The following QRSL1 variants were observed in gnomAD, a reference collection of about 807,000 sequenced individuals.
QRSL1 encodes glutaminyl-tRNA amidotransferase subunit QRSL1.
Under a neutral mutation model 61.6 loss-of-function variants are expected in QRSL1, and 54 were observed. The observed-to-expected ratio is 0.88, with a 90% confidence interval of 0.70 to 1.10. The LOEUF is 1.10. Ranked by LOEUF, QRSL1 falls within the 50% of genes least tolerant of loss-of-function variation. The pLI, the probability that QRSL1 is intolerant of heterozygous loss-of-function variation, is 0.00. For missense variants in QRSL1, 505 were observed against 622.6 expected, an observed-to-expected ratio of 0.81 and a Z score of 2.01; for synonymous variants, 228 against 225.7, an observed-to-expected ratio of 1.01 and a Z score of -0.09.
chr6:106,665,993 A>C lies in QRSL1; in HGVS notation c.1578A>C (p.Leu526=). The change falls in exon 11 of 11, where the codon CTA becomes CTC. Residue 526 remains leucine (L), a synonymous_variant. Transcript: ENST00000369046. The part of the protein sequence containing the change: ...LENEKLASVS[L]KQ ...ATGAAAAGTTAGCCTCTGTCTCTCTAAAACAGTAAACATATCTTACAAATT... is the reference window on the plus strand; with the variant it reads ...ATGAAAAGTTAGCCTCTGTCTCTCTCAAACAGTAAACATATCTTACAAATT... The C allele has an allele frequency of 6.2e-7, 1 of 1,613,336 alleles. No individual in the cohort carries two copies. Among genetic ancestry groups the C allele is most frequent in the Non-Finnish European group, 8.5e-7 (1 of 1,179,292 alleles).
At chr6:106,638,826 T>G (rs976168430) in intron 1 of QRSL1, among the ~76,000 whole-genome samples, 9 of 152,142 alleles carry the variant, frequency 5.9e-5, no homozygotes, top group African/African-American at 2.2e-4. Flanking sequence ...AGAATGCCAT[T>G]GCGTTGATGA....
intron 3 of QRSL1, chr6:106,642,609 C>T: frequency 1.3e-6 from 1 of 761,608 alleles, no homozygotes; most frequent in Non-Finnish European, 2.4e-6. Context: ...AAAGGAATGC[C>T]CCACAAGTGT....
chr6:106,646,449 A>G (rs1011334588), intron 4 of QRSL1, among the ~76,000 whole-genome samples: 5 of 152,168 alleles, frequency 3.3e-5, no homozygotes, highest in Admixed American at 1.3e-4. Flanking sequence ...GGGCTGTGAA[A>G]ATCTTCCAGG....
In QRSL1 at chr6:106,633,337, T is replaced by A. The variant is rs150649869; in HGVS notation, c.24+3632T>A. Reference sequence around the variant, plus strand: ...TACAAATTATCTTTTAATTTAATTCTCTTTTAAATATGTACAGATGCCTGG... The same window carrying A: ...TACAAATTATCTTTTAATTTAATTCACTTTTAAATATGTACAGATGCCTGG... On this transcript the variant is annotated intron_variant, in intron 1 of 10. Transcript: ENST00000369046. Among the ~76,000 whole-genome samples, 514 of 152,372 alleles carry A rather than the reference T, an allele frequency of 3.4e-3. 5 individuals are homozygous for A. Among genetic ancestry groups the A allele is most frequent in the African/African-American group, 0.012 (482 of 41,592 alleles).
chr6:106,633,451 A>C (rs2114696878), intron 1 of QRSL1, among the ~76,000 whole-genome samples: 1 of 152,276 alleles, frequency 6.6e-6, no homozygotes, highest in South Asian at 2.1e-4. Flanking sequence ...TCAGTTGAAG[A>C]GGGGGAAATT....
intron 5 of QRSL1, among the ~76,000 whole-genome samples, chr6:106,651,554 T>G (rs1777187996): frequency 6.6e-6 from 1 of 152,184 alleles, no homozygotes; most frequent in Non-Finnish European, 1.5e-5. Context: ...TACTCACACA[T>G]AAGCAAAAAT....
chr6:106,655,727 A>G lies in QRSL1; in HGVS notation c.1155A>G (p.Leu385=), dbSNP rs1777259461. The G allele has an allele frequency of 6.3e-7, 1 of 1,589,798 alleles. No homozygotes were observed. Among genetic ancestry groups the G allele is most frequent in the Non-Finnish European group, 8.6e-7 (1 of 1,158,536 alleles). ...GRILSGNFFL[L]KENYENYFVK... ...TTCTCTCAGGAAACTTTTTCTTATT[A>G]AAAGAGTAAGACAACTCATTTAGGA... Residue 385 remains leucine, a synonymous_variant, in exon 9 of 11, where the codon TTA becomes TTG. Coordinates refer to ENST00000369046, the MANE Select transcript of QRSL1 (RefSeq NM_018292.5).
rs372128824 is a variant in QRSL1, at chr6:106,647,649, C to T, written c.381-1376C>T. Among the ~76,000 whole-genome samples the T allele has an allele frequency of 8.7e-4, 73 of 84,236 alleles. 2 individuals are homozygous for T. The highest frequency in any genetic ancestry group is 7.1e-3 in the South Asian group (14 of 1,968). The allele number at this position is 84,236 out of a possible 152,430, so 55.3% of individuals were successfully genotyped here. ...GAAGGAGATAAAATGCCATAAAGTA[C>T]TTTTTTTTTTTTTTTTTTTGAGATG... On this transcript the variant is annotated intron_variant, in intron 4 of 10. Transcript: ENST00000369046.
chr6:106,629,638 C>A lies in QRSL1; in HGVS notation c.-44C>A. On this transcript the variant is annotated 5_prime_UTR_variant, in exon 1 of 11. Coordinates refer to ENST00000369046, the MANE Select transcript of QRSL1 (RefSeq NM_018292.5). Reference sequence around the variant, plus strand: ...CACTAGCGACCGGTGACCTCTTTTTCCCCCTTGCCTGGCTCCTGTGGTGGC... The same window carrying A: ...CACTAGCGACCGGTGACCTCTTTTTACCCCTTGCCTGGCTCCTGTGGTGGC... The A allele has an allele frequency of 6.3e-7, 1 of 1,582,112 alleles. No homozygotes were observed. The highest frequency in any genetic ancestry group is 8.6e-7 in the Non-Finnish European group (1 of 1,165,018).
At chr6:106,637,545 G>A (rs1046464315) in intron 1 of QRSL1, among the ~76,000 whole-genome samples, 2 of 152,208 alleles carry the variant, frequency 1.3e-5, no homozygotes, top group Admixed American at 6.5e-5. Flanking sequence ...TTGGGTGAGC[G>A]GAATGTTTGA....
At chr6:106,658,635 T>C (rs1777308324) in intron 9 of QRSL1, among the ~76,000 whole-genome samples, 1 of 152,220 alleles carries the variant, frequency 6.6e-6, no homozygotes, top group African/African-American at 2.4e-5. Flanking sequence ...ACATAGTTTC[T>C]GAGAAGTCTG....
intron 1 of QRSL1, among the ~76,000 whole-genome samples, chr6:106,633,046 G>C (rs924597679): frequency 1.1e-4 from 17 of 152,194 alleles, no homozygotes; most frequent in African/African-American, 4.1e-4. Flanking sequence ...GTGTCATTGA[G>C]TTAGCCATTG....
intron 4 of QRSL1, among the ~76,000 whole-genome samples, chr6:106,647,571 A>AG (rs1554201321): frequency 6.0e-5 from 9 of 150,842 alleles, no homozygotes; most frequent in South Asian, 2.1e-4. Flanking sequence ...AAAAAAAAAA[A>AG]AGAGAGAGAC....
intron 4 of QRSL1, among the ~76,000 whole-genome samples, chr6:106,644,661 C>T (rs562477224): frequency 4.6e-5 from 7 of 152,150 alleles, no homozygotes; most frequent in South Asian, 4.2e-4. Context: ...GTTGGGATTA[C>T]AGGCACGCAC....
At position 106,639,111 on chromosome 6, in the gene QRSL1, G is replaced by GTTTTTTTTTTTTT. The variant is rs1562164982; in HGVS notation, c.25-1234_25-1233insTTTTTTTTTTTTT. ...ACCTAACTTGTGTGGTTATTTGTGT[G>GTTTTTTTTTTTTT]TTTTGTTGTTTTTTTTTTTTTTTTT... is the stretch of plus-strand genomic sequence containing the variant. On this transcript the variant is annotated intron_variant, in intron 1 of 10. Transcript: ENST00000369046. Among the ~76,000 whole-genome samples the GTTTTTTTTTTTTT allele has an allele frequency of 9.7e-4, 59 of 60,734 alleles. 1 individual carries two copies. The highest frequency in any genetic ancestry group is 3.8e-3 in the African/African-American group (56 of 14,922). 39.8% of individuals were successfully genotyped at this position (60,734 alleles called of 152,430 possible).
At position 106,640,361 on chromosome 6, in the gene QRSL1, C is replaced by T. The variant is rs1260244454; in HGVS notation, c.37C>T (p.Leu13=). The part of the protein sequence containing the change: ...GRSLREVSAA[L]KQGQITPTEL... ...GTATACACTATAGGTTTCTGCGGCA[C>T]TGAAACAAGGCCAAATTACACCAAC... Residue 13 remains leucine (L), a synonymous_variant, in exon 2 of 11, where the codon CTG becomes TTG. Transcript: ENST00000369046. 1 of 1,612,578 alleles carries T rather than the reference C, an allele frequency of 6.2e-7. No homozygotes were observed. The highest frequency in any genetic ancestry group is 8.5e-7 in the Non-Finnish European group (1 of 1,179,220).
chr6:106,639,089 T>A (rs1042126428), intron 1 of QRSL1, among the ~76,000 whole-genome samples: 1 of 151,284 alleles, frequency 6.6e-6, no homozygotes, highest in Non-Finnish European at 1.5e-5. Flanking sequence ...AAACAGTACC[T>A]AACTTGTGTG....
chr6:106,629,698 T>C lies in QRSL1; in HGVS notation c.17T>C (p.Leu6Pro). 1.2e-6 allele frequency: 2 copies of C among 1,606,360 alleles called. No homozygotes were observed. The highest frequency in any genetic ancestry group is 4.5e-5 in the East Asian group (2 of 44,640). The change falls in exon 1 of 11, where the codon CTC becomes CCC. Residue 6 changes from leucine to proline, a missense_variant. By Grantham distance (98) the Leu-to-Pro change is moderately conservative. Transcript: ENST00000369046. ...ACGAGGACCATGCTGGGCCGGAGCC[T>C]CCGAGAAGTGAGTGGAATTGGCCCG... is the stretch of plus-strand genomic sequence containing the variant. MLGRS[L>P]REVSAALKQG...
Position 106,639,131 on chromosome 6 carries a change from T to TTG in QRSL1, c.25-1217_25-1216insGT, listed in dbSNP as rs1562165112. Among the ~76,000 whole-genome samples the TTG allele has an allele frequency of 2.9e-5, 4 of 138,560 alleles. 1 individual carries two copies. The highest frequency in any genetic ancestry group is 5.5e-5 in the African/African-American group (2 of 36,160). The allele number at this position is 138,560 out of a possible 152,430, so 90.9% of individuals were successfully genotyped here. On this transcript the variant is annotated intron_variant, in intron 1 of 10. Coordinates refer to ENST00000369046, the MANE Select transcript of QRSL1 (RefSeq NM_018292.5). ...TGTGTGTTTTGTTGTTTTTTTTTTT[T>TTG]TTTTTTTTTTTTTTTGACAGAGTCT...
Sources: gnomAD v4.1 joint callset for allele counts (sites outside exome capture counted in the v4.1 genomes callset) on GRCh38, gnomAD v4.1.1 for gene constraint, MANE v1.5 for transcripts, NCBI Gene and HGNC (gene_info 2026-07-23, HGNC 2026-07-21) for gene names.